CREB5: variants seen among roughly 807,000 people sequenced by gnomAD.
The protein encoded by CREB5 is cyclic AMP-responsive element-binding protein 5.
In CREB5, 19 loss-of-function variants were observed where a neutral mutation model predicts 57.1. That is an observed-to-expected ratio of 0.33 (90% CI 0.23 to 0.49). CREB5 has a LOEUF of 0.49. Among genes scored for constraint, CREB5 ranks in the 20% least tolerant of loss-of-function variants. The pLI, the probability that CREB5 is intolerant of heterozygous loss-of-function variation, is 0.99. For synonymous variants in CREB5, 238 were observed against 238.3 expected, an observed-to-expected ratio of 1.00 and a Z score of 0.01; for missense variants, 579 against 671.6, an observed-to-expected ratio of 0.86 and a Z score of 1.52.
At chr7:28,579,152 T>A (rs1470231133) in intron 5 of CREB5, among the ~76,000 whole-genome samples, 1 of 152,180 alleles carries the variant, frequency 6.6e-6, no homozygotes, top group Non-Finnish European at 1.5e-5. Flanking sequence ...AGAATGAAAC[T>A]AGGTTGTCTA....
At chr7:28,348,617 T>C (rs1786123727) in intron 1 of CREB5, among the ~76,000 whole-genome samples, 1 of 152,216 alleles carries the variant, frequency 6.6e-6, no homozygotes, top group African/African-American at 2.4e-5. Flanking sequence ...GCTCATCTTA[T>C]GCCCAATCTG....
chr7:28,584,145 C>T (rs187334796), intron 5 of CREB5, among the ~76,000 whole-genome samples: 366 of 152,266 alleles, frequency 2.4e-3, no homozygotes, highest in Non-Finnish European at 3.6e-3. Flanking sequence ...TTCCTGAGGC[C>T]TCCTTCTCAG....
intron 7 of CREB5, among the ~76,000 whole-genome samples, chr7:28,744,173 T>C (rs1804559601): frequency 6.7e-6 from 1 of 149,030 alleles, no homozygotes; most frequent in Non-Finnish European, 1.5e-5. Context: ...CTACAAAGGA[T>C]ATGAACTCAT....
At chr7:28,318,263 C>T (rs1785417052) in intron 1 of CREB5, among the ~76,000 whole-genome samples, 1 of 152,150 alleles carries the variant, frequency 6.6e-6, no homozygotes, top group Non-Finnish European at 1.5e-5. Context: ...CAATTTGATA[C>T]ATGAATGTTG....
At chr7:28,657,634 T>G (rs1799382790) in intron 5 of CREB5, among the ~76,000 whole-genome samples, 3 of 144,292 alleles carry the variant, frequency 2.1e-5, no homozygotes, top group Admixed American at 7.3e-5. Flanking sequence ...GGAGAATCAC[T>G]TGAACCCAGG....
intron 5 of CREB5, among the ~76,000 whole-genome samples, chr7:28,704,906 A>G (rs897648104): frequency 5.9e-5 from 9 of 152,186 alleles, no homozygotes; most frequent in South Asian, 2.1e-4. Flanking sequence ...TCACCAGGCA[A>G]ATGACTGGCT....
chr7:28,685,665 CTTTTT>C (rs548208912), intron 5 of CREB5, among the ~76,000 whole-genome samples: 1 of 130,946 alleles, frequency 7.6e-6, no homozygotes, highest in Non-Finnish European at 1.7e-5. Flanking sequence ...ACAGGGCACT[CTTTTT>C]TTTTTTTTTT....
At chr7:28,763,255 G>A (rs905286296) in intron 7 of CREB5, among the ~76,000 whole-genome samples, 2 of 152,096 alleles carry the variant, frequency 1.3e-5, no homozygotes, top group Non-Finnish European at 2.9e-5. Flanking sequence ...TGCATCCTTA[G>A]TAGCTACTAA....
At chr7:28,313,660 G>A (rs982459533) in intron 1 of CREB5, among the ~76,000 whole-genome samples, 8 of 152,118 alleles carry the variant, frequency 5.3e-5, no homozygotes, top group Non-Finnish European at 1.2e-4. Flanking sequence ...TGTGGAAGGT[G>A]GGAATAACCA....
intron 5 of CREB5, among the ~76,000 whole-genome samples, chr7:28,624,468 T>C (rs1454145970): frequency 3.3e-5 from 5 of 152,160 alleles, no homozygotes; most frequent in Admixed American, 3.3e-4. Flanking sequence ...CCAAGTTTGT[T>C]TGCAATTTAA....
chr7:28,650,538 A>G (rs1317213132), intron 5 of CREB5, among the ~76,000 whole-genome samples: 3 of 152,142 alleles, frequency 2.0e-5, no homozygotes, highest in African/African-American at 7.2e-5. Context: ...AAATCCTTCA[A>G]GTGGAAGGCT....
intron 7 of CREB5, among the ~76,000 whole-genome samples, chr7:28,762,468 C>T (rs1805716110): frequency 6.6e-6 from 1 of 152,098 alleles, no homozygotes; most frequent in Admixed American, 6.6e-5. Flanking sequence ...GTACGTGCAG[C>T]ATTAGATGCA....
intron 5 of CREB5, among the ~76,000 whole-genome samples, chr7:28,709,024 TGA>T (rs1206109564): frequency 5.9e-5 from 9 of 152,262 alleles, no homozygotes; most frequent in Non-Finnish European, 1.0e-4. Flanking sequence ...GAAATTTAAC[TGA>T]GAGATGTCTT....
At chr7:28,471,133 C>T (rs1485658218) in intron 1 of CREB5, among the ~76,000 whole-genome samples, 1 of 152,070 alleles carries the variant, frequency 6.6e-6, no homozygotes, top group African/African-American at 2.4e-5. Flanking sequence ...GTGGGTATTA[C>T]TCAAATCTTT....
chr7:28,734,523 TTAAC>T (rs1215406026), intron 7 of CREB5, among the ~76,000 whole-genome samples: 3 of 152,146 alleles, frequency 2.0e-5, no homozygotes, highest in Non-Finnish European at 4.4e-5. Flanking sequence ...ACTTAAAAAT[TTAAC>T]TATTTCCTCA....
At chr7:28,556,197 G>A (rs893453728) in intron 4 of CREB5, among the ~76,000 whole-genome samples, 1 of 152,126 alleles carries the variant, frequency 6.6e-6, no homozygotes, top group Admixed American at 6.5e-5. Context: ...CACGGTAATG[G>A]CTTTATGGTA....
chr7:28,810,970 CATG>C (rs2128805583), intron 9 of CREB5, among the ~76,000 whole-genome samples: 1 of 152,146 alleles, frequency 6.6e-6, no homozygotes, highest in East Asian at 1.9e-4. Context: ...TTGTGATAGA[CATG>C]ATGAGAAAGA....
At position 28,818,124 on chromosome 7, in the gene CREB5, A is replaced by G; in HGVS notation, c.1308A>G (p.Leu436=). The G allele has an allele frequency of 6.2e-7, 1 of 1,613,796 alleles. No individual in the cohort carries two copies. The highest frequency in any genetic ancestry group is 2.2e-5 in the East Asian group (1 of 44,882). Residue 436 remains leucine, a synonymous_variant, in exon 10 of 11, where the codon TTA becomes TTG. Coordinates refer to ENST00000357727, the MANE Select transcript of CREB5 (RefSeq NM_182898.4). The part of the protein sequence containing the change: ...NEVAQLKQLL[L]THKDCPITAM... The stretch of plus-strand genomic sequence containing the variant: ...TGGCCCAGCTGAAACAGTTGTTGTT[A>G]ACACATAAAGACTGCCCAATAACAG...
At chr7:28,628,786 C>T (rs1314197512) in intron 5 of CREB5, among the ~76,000 whole-genome samples, 2 of 152,094 alleles carry the variant, frequency 1.3e-5, no homozygotes, top group Non-Finnish European at 1.5e-5. Flanking sequence ...GTGACCAAGT[C>T]CCTCTCATTG....
Sources: allele counts gnomAD v4.1 joint callset (sites outside exome capture counted in the v4.1 genomes callset), GRCh38; gene constraint gnomAD v4.1.1; transcripts MANE v1.5; gene names NCBI Gene and HGNC (gene_info 2026-07-23, HGNC 2026-07-21).